Variants in STARD9 observed in about 807,000 individuals in gnomAD.
The protein encoded by STARD9 is stAR-related lipid transfer protein 9.
In STARD9, 346 loss-of-function variants were observed where a neutral mutation model predicts 399.8. The observed-to-expected ratio is 0.87, with a 90% CI of 0.79 to 0.95. The LOEUF (loss-of-function observed/expected upper bound fraction) is 0.95, where lower values mean the gene tolerates loss of function less well. STARD9 is among the 40% of genes least tolerant of loss of function. The pLI is 0.00. For synonymous variants in STARD9, 2,203 were observed against 2,143.5 expected (o/e 1.03, Z -0.77); for missense variants, 5,832 against 5,667.5 (o/e 1.03, Z -0.93).
intron 7 of STARD9, among the ~76,000 whole-genome samples, chr15:42,650,007 C>T (rs1009620032): frequency 1.3e-5 from 2 of 151,670 alleles, no homozygotes; most frequent in Non-Finnish European, 2.9e-5. Flanking sequence ...GCTGGGATTA[C>T]AGGCATGCAC....
intron 15 of STARD9, among the ~76,000 whole-genome samples, chr15:42,667,115 C>T (rs575957648): frequency 6.6e-6 from 1 of 150,658 alleles, no homozygotes; most frequent in South Asian, 2.1e-4. Flanking sequence ...GTACCTGGCC[C>T]CCAGAGATAT....
At chr15:42,705,784 A>G (rs1250491477) in intron 26 of STARD9, among the ~76,000 whole-genome samples, 1 of 146,878 alleles carries the variant, frequency 6.8e-6, no homozygotes, top group Admixed American at 6.8e-5. Context: ...ATGGAGTCTC[A>G]CTCTCTCACT....
intron 3 of STARD9, among the ~76,000 whole-genome samples, chr15:42,592,990 A>T (rs1212014224): frequency 1.3e-5 from 2 of 152,192 alleles, no homozygotes; most frequent in Non-Finnish European, 2.9e-5. Flanking sequence ...TCAGCTCTAA[A>T]ATAGAGATCA....
Position 42,686,063 on chromosome 15 carries a change from C to G in STARD9, c.4485C>G (p.Leu1495=). The G allele has an allele frequency of 6.5e-7, 1 of 1,537,282 alleles. No homozygotes were observed. Among genetic ancestry groups the G allele is most frequent in the South Asian group, 1.2e-5 (1 of 84,062 alleles). Residue 1495 remains leucine (L), a synonymous_variant, in exon 23 of 33, where the codon CTC becomes CTG. Transcript: ENST00000290607. ...SALQQKYLLE[L]SCPVLEAIGA... is the part of the protein sequence containing the mutation. ...TTCAGCAGAAGTACCTCCTTGAACT[C>G]TCTTGTCCTGTTTTGGAGGCCATAG...
In STARD9 at chr15:42,581,532, C is replaced by T. The variant is rs549940519; in HGVS notation, c.48-1814C>T. On this transcript the variant is annotated intron_variant, in intron 1 of 32. Transcript: ENST00000290607. ...TGGGCTTTGTGTGGCGGGTAGGCGGCGGCGCCGGGCCGGTCTGCTCCAGCT... is the reference window on the plus strand; with the variant it reads ...TGGGCTTTGTGTGGCGGGTAGGCGGTGGCGCCGGGCCGGTCTGCTCCAGCT... 296 of 1,321,808 alleles carry T rather than the reference C, an allele frequency of 2.2e-4. 3 individuals are homozygous for T. Among genetic ancestry groups the T allele is most frequent in the Non-Finnish European group, 3.1e-4 (289 of 944,852 alleles). The allele number at this position is 1,321,808 out of a possible 1,614,324, so 81.9% of individuals were successfully genotyped here. A position where few individuals can be genotyped will look rare whatever the true frequency, so the allele number is the denominator to read the frequency against.
intron 7 of STARD9, among the ~76,000 whole-genome samples, chr15:42,645,602 G>C (rs1414148666): frequency 6.7e-6 from 1 of 149,520 alleles, no homozygotes; most frequent in Non-Finnish European, 1.5e-5. Context: ...GTCTTGCTCT[G>C]TCACCCAGTC....
intron 3 of STARD9, among the ~76,000 whole-genome samples, chr15:42,617,211 A>G (rs369936680): frequency 1.4e-4 from 21 of 152,334 alleles, no homozygotes; most frequent in African/African-American, 5.1e-4. Flanking sequence ...TTCCTTTCAC[A>G]TAATTTTATT....
chr15:42,677,089 T>TAA (rs869040683), intron 20 of STARD9, among the ~76,000 whole-genome samples: 7,881 of 53,536 alleles, frequency 0.15, 1,258 homozygotes, highest in African/African-American at 0.26. Context: ...CGTCTCTACT[T>TAA]AAAAAAAAAA....
At chr15:42,715,024 G>T (rs2061324808) in intron 26 of STARD9, among the ~76,000 whole-genome samples, 1 of 151,648 alleles carries the variant, frequency 6.6e-6, no homozygotes, top group African/African-American at 2.4e-5. Context: ...ATAGGGCCTA[G>T]GCCTGAATTT....
chr15:42,687,793 T>A lies in STARD9; in HGVS notation c.6215T>A (p.Val2072Asp), dbSNP rs567917574. The change falls in exon 23 of 33, where the codon GTT becomes GAT. Residue 2072 changes from valine to aspartate, a missense_variant. Val to Asp is a radical substitution (Grantham distance 152). This residue lies in a region of STARD9 where 5,828 missense variants were observed against 5,651.1 expected (regional missense o/e 1.03). Transcript: ENST00000290607. The part of the protein sequence containing the change: ...LEIESKQNKQ[V>D]HASHTPGTDK... The stretch of plus-strand genomic sequence containing the variant: ...ATTGAATCTAAGCAGAATAAGCAGG[T>A]TCATGCTTCCCACACACCAGGAACC... The A allele has an allele frequency of 2.0e-6, 3 of 1,537,390 alleles. No individual in the cohort carries two copies. The highest frequency in any genetic ancestry group is 2.6e-6 in the Non-Finnish European group (3 of 1,146,978).
In STARD9 at chr15:42,692,675, C is replaced by A. The variant is rs2060738832; in HGVS notation, c.11097C>A (p.Ser3699=). 3 of 1,537,070 alleles carry A rather than the reference C, an allele frequency of 2.0e-6. No homozygotes were observed. Among genetic ancestry groups the A allele is most frequent in the Non-Finnish European group, 2.6e-6 (3 of 1,146,910 alleles). The change falls in exon 23 of 33, where the codon TCC becomes TCA. Residue 3699 remains serine (S), a synonymous_variant. Coordinates refer to ENST00000290607, the MANE Select transcript of STARD9 (RefSeq NM_020759.3). ...HSTSELLGSL[S]QPDVARREQN... is the part of the protein sequence containing the mutation. ...CCTCAGAGCTGCTTGGGAGTCTCTC[C>A]CAGCCAGATGTGGCCAGAAGGGAGC...
chr15:42,689,827 A>T lies in STARD9; in HGVS notation c.8249A>T (p.Tyr2750Phe). 2 of 1,537,282 alleles carry T rather than the reference A, an allele frequency of 1.3e-6. No homozygotes were observed. Among genetic ancestry groups the T allele is most frequent in the Non-Finnish European group, 1.7e-6 (2 of 1,146,904 alleles). The change falls in exon 23 of 33, where the codon TAT becomes TTT. Residue 2750 changes from tyrosine (Y) to phenylalanine (F), a missense_variant. This residue lies in a region of STARD9 where 5,828 missense variants were observed against 5,651.1 expected (regional missense o/e 1.03). Coordinates refer to ENST00000290607, the MANE Select transcript of STARD9 (RefSeq NM_020759.3). ...VVAALPSQAPYDDPRVTLHEL... is the reference protein window; with the variant it reads ...VVAALPSQAPFDDPRVTLHEL... ...GCTGCCTTACCTTCTCAGGCCCCTT[A>T]TGATGATCCTAGAGTGACTCTGCAT...
chr15:42,674,403 T>C, intron 16 of STARD9, 37 bp from the exon 17 acceptor site: 14 of 1,508,408 alleles, frequency 9.3e-6, no homozygotes, highest in Non-Finnish European at 1.2e-5. Flanking sequence ...CTCTGTCCCT[T>C]TTAATTCTCA....
rs746500488 is a variant in STARD9, at chr15:42,692,465, T to C, written c.10887T>C (p.Pro3629=). ...TGTATCCATCAGAGGCAGGCTGCCC[T>C]GTGGGACAGACCAGGACGAACACAT... is the stretch of plus-strand genomic sequence containing the variant. ...MLLYPSEAGC[P]VGQTRTNTFE... Residue 3629 remains proline, a synonymous_variant, in exon 23 of 33, where the codon CCT becomes CCC. Transcript: ENST00000290607. The C allele has an allele frequency of 6.5e-7, 1 of 1,537,080 alleles. No homozygotes were observed. The highest frequency in any genetic ancestry group is 1.2e-5 in the South Asian group (1 of 84,060).
Position 42,689,717 on chromosome 15 carries a change from C to G in STARD9, c.8139C>G (p.Ser2713=), listed in dbSNP as rs935221276. The change falls in exon 23 of 33, where the codon TCC becomes TCG. Residue 2713 remains serine, a synonymous_variant. Coordinates refer to ENST00000290607, the MANE Select transcript of STARD9 (RefSeq NM_020759.3). The stretch of plus-strand genomic sequence containing the variant: ...AGAAAGATGCAACCAGAACACCTTC[C>G]TCAGCTGATCCTTTGGCCCCAGACA... The part of the protein sequence containing the change: ...EKKKDATRTP[S]SADPLAPDSP... The G allele has an allele frequency of 2.0e-6, 3 of 1,537,848 alleles. No individual in the cohort carries two copies. Among genetic ancestry groups the G allele is most frequent in the Non-Finnish European group, 2.6e-6 (3 of 1,147,040 alleles).
Position 42,695,142 on chromosome 15 carries a change from G to A in STARD9, c.12965G>A (p.Ser4322Asn), listed in dbSNP as rs1388033193. The A allele has an allele frequency of 6.5e-7, 1 of 1,527,164 alleles. No homozygotes were observed. Among genetic ancestry groups the A allele is most frequent in the Non-Finnish European group, 8.8e-7 (1 of 1,139,818 alleles). The allele number at this position is 1,527,164 out of a possible 1,614,324, so 94.6% of individuals were successfully genotyped here. ...LRKDVVETTR[S>N]PESVSRSAHT... ...TTCCACCCCGTGATCTTCCTCAGGA[G>A]CCCAGAGTCAGTGTCAAGGTCAGCT... The change falls in exon 25 of 33, where the codon AGC (serine) becomes AAC (asparagine). Residue 4322 changes from serine (S) to asparagine (N), a missense_variant and splice_region_variant. Around this residue, in one of 2 missense-constraint regions of STARD9, gnomAD observed 5,828 missense variants for 5,651.1 expected, o/e 1.03. Transcript: ENST00000290607.
chr15:42,714,875 A>G (rs1449126368), intron 26 of STARD9, among the ~76,000 whole-genome samples: 1 of 151,208 alleles, frequency 6.6e-6, no homozygotes, highest in Admixed American at 6.6e-5. Flanking sequence ...ATGGCTGCCC[A>G]TTTGTCTCAG....
At position 42,687,305 on chromosome 15, in the gene STARD9, C is replaced by G; in HGVS notation, c.5727C>G (p.Leu1909=). The part of the protein sequence containing the change: ...SDSTESGKSL[L]FRESEAREEE... Reference sequence around the variant, plus strand: ...GCACTGAGTCTGGGAAGTCTCTCCTCTTTCGTGAATCTGAGGCACGAGAGG... The same window carrying G: ...GCACTGAGTCTGGGAAGTCTCTCCTGTTTCGTGAATCTGAGGCACGAGAGG... Residue 1909 remains leucine, a synonymous_variant, in exon 23 of 33, where the codon CTC becomes CTG. Coordinates refer to ENST00000290607, the MANE Select transcript of STARD9 (RefSeq NM_020759.3). The G allele has an allele frequency of 1.3e-6, 2 of 1,536,836 alleles. No homozygotes were observed. Among genetic ancestry groups the G allele is most frequent in the Non-Finnish European group, 1.7e-6 (2 of 1,146,930 alleles).
intron 26 of STARD9, among the ~76,000 whole-genome samples, chr15:42,706,578 G>A (rs8036733): frequency 6.6e-6 from 1 of 151,438 alleles, no homozygotes; most frequent in African/African-American, 2.4e-5. Context: ...GCCTCCCGAA[G>A]AGCTGGGATT....
Sources: allele counts gnomAD v4.1 joint callset (sites outside exome capture counted in the v4.1 genomes callset), GRCh38; gene constraint gnomAD v4.1.1; regional missense constraint gnomAD v4.1.1; transcripts MANE v1.5; gene names NCBI Gene and HGNC (gene_info 2026-07-23, HGNC 2026-07-21).